Variants in MALRD1 observed in about 807,000 individuals in gnomAD.
MALRD1 encodes MAM and LDL receptor class A domain containing 1.
In MALRD1, 247 loss-of-function variants were observed where a neutral mutation model predicts 242.1. The observed-to-expected ratio is 1.02, with a 90% confidence interval of 0.92 to 1.13. The LOEUF (loss-of-function observed/expected upper bound fraction) is 1.13, where lower values mean the gene tolerates loss of function less well. MALRD1 is among the 50% of genes most tolerant of loss of function. The probability of loss-of-function intolerance (pLI) is 0.00; values close to 1 mark genes in which losing one functional copy is unlikely to be tolerated. For missense variants in MALRD1, 2,989 were observed against 2,533.1 expected (o/e 1.18, Z -3.86); for synonymous variants, 995 against 866.6 (o/e 1.15, Z -2.60).
chr10:19,548,754 T>A (rs752044522), intron 32 of MALRD1, among the ~76,000 whole-genome samples: 22 of 152,186 alleles, frequency 1.4e-4, no homozygotes, highest in Non-Finnish European at 2.6e-4. Flanking sequence ...CCCTATTTCC[T>A]GAGACAAGAC....
chr10:19,582,626 C>G (rs1201705263), intron 33 of MALRD1, among the ~76,000 whole-genome samples: 2 of 135,336 alleles, frequency 1.5e-5, no homozygotes, highest in African/African-American at 5.4e-5. Flanking sequence ...GTTACTGTAG[C>G]CTTGTAGTAT....
chr10:19,521,279 T>C (rs1242375570), intron 31 of MALRD1, among the ~76,000 whole-genome samples: 2 of 152,162 alleles, frequency 1.3e-5, no homozygotes. Context: ...CATTTCTATC[T>C]TTCCATAATC....
chr10:19,358,193 CAAGTGTGT>C (rs1290894968), intron 26 of MALRD1, among the ~76,000 whole-genome samples: 6 of 89,674 alleles, frequency 6.7e-5, no homozygotes, highest in African/African-American at 1.8e-4. Flanking sequence ...GGGCAGGAGT[CAAGTGTGT>C]GTGTGTGTGT....
intron 28 of MALRD1, among the ~76,000 whole-genome samples, chr10:19,394,162 C>G (rs1057121173): frequency 1.3e-5 from 2 of 152,120 alleles, no homozygotes; most frequent in Non-Finnish European, 1.5e-5. Context: ...GATATAGCAA[C>G]CTAGTTATGC....
intron 17 of MALRD1, among the ~76,000 whole-genome samples, chr10:19,207,662 G>T (rs1249474142): frequency 6.6e-5 from 10 of 151,868 alleles, no homozygotes; most frequent in Admixed American, 6.6e-4. Context: ...CACCACTCCC[G>T]GATAATTTGT....
chr10:19,216,175 T>A (rs1837308723), intron 18 of MALRD1, among the ~76,000 whole-genome samples: 1 of 147,708 alleles, frequency 6.8e-6, no homozygotes. Flanking sequence ...TGGAGTGCAG[T>A]GGTGTGATCT....
intron 38 of MALRD1, among the ~76,000 whole-genome samples, chr10:19,695,820 G>A (rs1006946827): frequency 2.0e-5 from 3 of 152,016 alleles, no homozygotes; most frequent in South Asian, 2.1e-4. Flanking sequence ...CACCGTGCCC[G>A]GCGCCAAAGG....
chr10:19,467,182 A>G (rs7902768), intron 29 of MALRD1, among the ~76,000 whole-genome samples: 123,001 of 151,136 alleles, frequency 0.81, 50,244 homozygotes, highest in East Asian at 1. Flanking sequence ...GTGAAATCCC[A>G]TCTCTACTAA....
chr10:19,675,138 C>T (rs1335006030), intron 36 of MALRD1, among the ~76,000 whole-genome samples: 1 of 152,070 alleles, frequency 6.6e-6, no homozygotes, highest in African/African-American at 2.4e-5. Flanking sequence ...GTGCTTCCTT[C>T]CTACATTTGC....
intron 28 of MALRD1, among the ~76,000 whole-genome samples, chr10:19,431,840 C>T (rs959457624): frequency 2.0e-5 from 3 of 152,124 alleles, no homozygotes; most frequent in Admixed American, 6.6e-5. Flanking sequence ...CCTTCATGAA[C>T]GACAATGTGC....
chr10:19,694,050 C>T (rs1189073755), intron 38 of MALRD1, among the ~76,000 whole-genome samples: 1 of 152,120 alleles, frequency 6.6e-6, no homozygotes, highest in African/African-American at 2.4e-5. Context: ...TGGATCCCTT[C>T]CTTACACCTT....
intron 28 of MALRD1, among the ~76,000 whole-genome samples, chr10:19,401,029 T>C (rs1236558554): frequency 6.6e-6 from 1 of 150,510 alleles, no homozygotes; most frequent in African/African-American, 2.4e-5. Flanking sequence ...AATAAAAAAA[T>C]AAAAAAAGAA....
At chr10:19,165,590 G>T in intron 12 of MALRD1, 47 bp from the exon 13 acceptor site, 1 of 1,205,882 alleles carries the variant, frequency 8.3e-7, no homozygotes, top group South Asian at 4.2e-5. Flanking sequence ...AACTACCAGA[G>T]ACAGGTCAAT....
chr10:19,634,516 T>C (rs1479156524), intron 36 of MALRD1, among the ~76,000 whole-genome samples: 1 of 152,100 alleles, frequency 6.6e-6, no homozygotes. Context: ...GGTTTAAAGA[T>C]CATGGAAGAC....
intron 33 of MALRD1, among the ~76,000 whole-genome samples, chr10:19,580,557 C>A (rs903517486): frequency 7.9e-5 from 12 of 152,080 alleles, no homozygotes; most frequent in African/African-American, 2.4e-4. Context: ...GGTAACCTGC[C>A]TCTGGATGTG....
At position 19,125,290 on chromosome 10, in the gene MALRD1, T is replaced by TTTCTTTCCTTCC. The variant is rs1564407720; in HGVS notation, c.943+623_943+624insTTTCCTTCCTTC. ...TTCTCTTTCTTTCTTTCTTTCTTTC[T>TTTCTTTCCTTCC]TTCCTTCCTTCCTTCCTTCCTTCCT... On this transcript the variant is annotated intron_variant, in intron 7 of 39. Coordinates refer to ENST00000454679, the MANE Select transcript of MALRD1 (RefSeq NM_001142308.3). Among the ~76,000 whole-genome samples the TTTCTTTCCTTCC allele has an allele frequency of 1.2e-4, 8 of 69,104 alleles. 2 individuals are homozygous for TTTCTTTCCTTCC. The highest frequency in any genetic ancestry group is 2.1e-4 in the African/African-American group (3 of 14,430). 45.3% of individuals were successfully genotyped at this position (69,104 alleles called of 152,430 possible).
At chr10:19,071,979 G>T (rs7089512) in intron 2 of MALRD1, among the ~76,000 whole-genome samples, 12,719 of 152,236 alleles carry the variant, frequency 0.084, 855 homozygotes, top group East Asian at 0.28. Flanking sequence ...GAACAAGAAT[G>T]CAGCTCTTGT....
At chr10:19,676,194 C>T (rs1453736309) in intron 36 of MALRD1, among the ~76,000 whole-genome samples, 1 of 152,136 alleles carries the variant, frequency 6.6e-6, no homozygotes, top group Non-Finnish European at 1.5e-5. Context: ...GTATGTAAAA[C>T]CACCTCATAG....
At chr10:19,210,777 C>T (rs973528612) in intron 18 of MALRD1, among the ~76,000 whole-genome samples, 9 of 152,092 alleles carry the variant, frequency 5.9e-5, no homozygotes, top group Admixed American at 3.3e-4. Context: ...AGATATAAAC[C>T]GAAAGCATGA....
Sources: gnomAD v4.1 joint callset for allele counts (sites outside exome capture counted in the v4.1 genomes callset) on GRCh38, gnomAD v4.1.1 for gene constraint, MANE v1.5 for transcripts, NCBI Gene and HGNC (gene_info 2026-07-23, HGNC 2026-07-21) for gene names.